Variants in ADCK1 observed in about 807,000 individuals in gnomAD.
The protein encoded by ADCK1 is aarF domain containing kinase 1.
Under a neutral mutation model 52.3 loss-of-function variants are expected in ADCK1, and 41 were observed. The observed-to-expected ratio is 0.78, with a 90% CI of 0.61 to 1.02. ADCK1 has a LOEUF of 1.02. ADCK1 is among the 50% of genes least tolerant of loss of function. ADCK1 has a pLI of 0.00. For synonymous variants in ADCK1, 250 were observed against 274.6 expected, an observed-to-expected ratio of 0.91 and a Z score of 0.89; for missense variants, 658 against 679.5, an observed-to-expected ratio of 0.97 and a Z score of 0.35.
At chr14:77,861,214 T>A (rs1566676543) in intron 4 of ADCK1, among the ~76,000 whole-genome samples, 1 of 152,254 alleles carries the variant, frequency 6.6e-6, no homozygotes, top group East Asian at 1.9e-4. Context: ...CTGAGGGGTG[T>A]CCCTCGCAGC....
chr14:77,899,071 A>C, intron 5 of ADCK1, 29 bp from the exon 6 acceptor site: 7 of 1,612,462 alleles, frequency 4.3e-6, no homozygotes, highest in Non-Finnish European at 5.9e-6. Context: ...GCTGTGGGCC[A>C]AATGACTGGG....
At chr14:77,871,191 C>T (rs992194483) in intron 4 of ADCK1, among the ~76,000 whole-genome samples, 1 of 152,106 alleles carries the variant, frequency 6.6e-6, no homozygotes, top group Non-Finnish European at 1.5e-5. Context: ...GGATGTGGTT[C>T]AGGAAGGGGG....
At chr14:77,894,732 T>C (rs1366876948) in intron 5 of ADCK1, among the ~76,000 whole-genome samples, 1 of 136,092 alleles carries the variant, frequency 7.3e-6, no homozygotes, top group Non-Finnish European at 1.5e-5. Flanking sequence ...TCTTTTCTTT[T>C]CTTGTTTTTT....
intron 2 of ADCK1, among the ~76,000 whole-genome samples, chr14:77,821,859 C>T (rs2081589930): frequency 7.7e-6 from 1 of 130,066 alleles, no homozygotes; most frequent in Admixed American, 9.1e-5. Flanking sequence ...CAGTGCACTC[C>T]AGCCTGAGTG....
intron 3 of ADCK1, among the ~76,000 whole-genome samples, chr14:77,837,733 C>A (rs753219779): frequency 6.6e-6 from 1 of 152,184 alleles, no homozygotes; most frequent in Non-Finnish European, 1.5e-5. Flanking sequence ...TGTCAAGCCT[C>A]GAGACATCAG....
chr14:77,853,711 G>A (rs1196596371), intron 3 of ADCK1, among the ~76,000 whole-genome samples: 1 of 152,088 alleles, frequency 6.6e-6, no homozygotes, highest in Non-Finnish European at 1.5e-5. Context: ...AGCTTTTTGG[G>A]TTATTCTTTT....
chr14:77,863,368 G>A lies in ADCK1; in HGVS notation c.423+4089G>A, dbSNP rs573914659. Among the ~76,000 whole-genome samples the A allele has an allele frequency of 3.3e-5, 5 of 152,152 alleles. No individual in the cohort carries two copies. The South Asian group carries it at 1.0e-3, about 32-fold the overall frequency. On this transcript the variant is annotated intron_variant, in intron 4 of 10. Transcript: ENST00000238561. ...AGATGGGGAGGTTTGAAGTGGGTGG[G>A]AAGCTTGGGGATAGAGTTATCGTGG...
intron 1 of ADCK1, among the ~76,000 whole-genome samples, chr14:77,808,869 C>T (rs1373696364): frequency 2.0e-5 from 3 of 152,366 alleles, no homozygotes; most frequent in Middle Eastern, 3.4e-3. Flanking sequence ...AGCCACTGCA[C>T]CTGGCCCACT....
chr14:77,880,437 T>G (rs1329645858), intron 4 of ADCK1, among the ~76,000 whole-genome samples: 1 of 152,218 alleles, frequency 6.6e-6, no homozygotes, highest in Admixed American at 6.6e-5. Flanking sequence ...AGTTTGATCT[T>G]TTGGAACCCC....
intron 2 of ADCK1, among the ~76,000 whole-genome samples, chr14:77,821,920 A>G (rs1188150283): frequency 6.8e-6 from 1 of 148,050 alleles, no homozygotes; most frequent in Non-Finnish European, 1.5e-5. Flanking sequence ...GACTTATGCT[A>G]TTAGAGCAAA....
At chr14:77,911,674 A>G (rs1262528147) in intron 7 of ADCK1, among the ~76,000 whole-genome samples, 1 of 151,884 alleles carries the variant, frequency 6.6e-6, no homozygotes, top group Non-Finnish European at 1.5e-5. Context: ...TGATAGTGAG[A>G]TGAATGTTGT....
chr14:77,862,865 C>T (rs907641596), intron 4 of ADCK1, among the ~76,000 whole-genome samples: 3 of 152,182 alleles, frequency 2.0e-5, no homozygotes, highest in Non-Finnish European at 2.9e-5. Context: ...TAGTGCCCAA[C>T]GAGCTTGCAG....
At chr14:77,809,243 G>A (rs930050437) in intron 1 of ADCK1, among the ~76,000 whole-genome samples, 1 of 152,164 alleles carries the variant, frequency 6.6e-6, no homozygotes, top group Non-Finnish European at 1.5e-5. Context: ...TAGATGGGAT[G>A]TGGAGAAGTC....
intron 1 of ADCK1, among the ~76,000 whole-genome samples, chr14:77,811,019 T>C (rs2081329584): frequency 6.6e-6 from 1 of 151,764 alleles, no homozygotes; most frequent in South Asian, 2.1e-4. Context: ...TGTGTCTCGG[T>C]GGAAACAAAG....
intron 7 of ADCK1, among the ~76,000 whole-genome samples, chr14:77,914,094 T>G (rs61990752): frequency 6.6e-6 from 1 of 152,062 alleles, no homozygotes; most frequent in Non-Finnish European, 1.5e-5. Flanking sequence ...TCAGAGGTGC[T>G]GGAGTCCCTC....
chr14:77,853,056 AT>A (rs57850433), intron 3 of ADCK1, among the ~76,000 whole-genome samples: 33,240 of 135,818 alleles, frequency 0.24, 3,859 homozygotes, highest in Middle Eastern at 0.39. Context: ...CTGGCCTGAT[AT>A]TTTTTTCCCC....
chr14:77,911,272 T>C (rs2083785157), intron 7 of ADCK1, among the ~76,000 whole-genome samples: 1 of 152,334 alleles, frequency 6.6e-6, no homozygotes, highest in South Asian at 2.1e-4. Context: ...GACTCCAAAG[T>C]CCTTGCCCCT....
intron 3 of ADCK1, among the ~76,000 whole-genome samples, chr14:77,838,673 C>T (rs1317195813): frequency 1.3e-5 from 2 of 152,220 alleles, no homozygotes; most frequent in Admixed American, 1.3e-4. Context: ...GCTGGGATTA[C>T]ACTCGTGAGC....
At chr14:77,906,790 C>CT (rs976330849) in intron 6 of ADCK1, among the ~76,000 whole-genome samples, 4 of 151,996 alleles carry the variant, frequency 2.6e-5, no homozygotes, top group African/African-American at 7.2e-5. Context: ...CAAATACCCC[C>CT]TTTTTTTTAA....
Sources: gnomAD v4.1 joint callset for allele counts (sites outside exome capture counted in the v4.1 genomes callset) on GRCh38, gnomAD v4.1.1 for gene constraint, MANE v1.5 for transcripts, NCBI Gene and HGNC (gene_info 2026-07-23, HGNC 2026-07-21) for gene names.